LPP: variants seen among roughly 807,000 people sequenced by gnomAD.
LPP encodes LIM domain containing preferred translocation partner in lipoma, also known as lipoma-preferred partner.
Under a neutral mutation model 60.4 loss-of-function variants are expected in LPP, and 38 were observed. That is an observed-to-expected ratio of 0.63 (90% CI 0.49 to 0.83). The LOEUF is 0.83. Ranked by LOEUF, LPP falls within the 40% of genes least tolerant of loss-of-function variation. The pLI is 0.00. For missense variants in LPP, 902 were observed against 783.6 expected (o/e 1.15, Z -1.80); for synonymous variants, 328 against 290.8 (o/e 1.13, Z -1.30).
intron 7 of LPP, among the ~76,000 whole-genome samples, chr3:188,705,068 A>T (rs1865216939): frequency 6.6e-6 from 1 of 152,200 alleles, no homozygotes; most frequent in Non-Finnish European, 1.5e-5. Context: ...CATGTCTAGC[A>T]TATCTTTATC....
intron 7 of LPP, among the ~76,000 whole-genome samples, chr3:188,673,519 G>A (rs528759262): frequency 6.6e-6 from 1 of 152,094 alleles, no homozygotes; most frequent in East Asian, 1.9e-4. Flanking sequence ...ATCATAATTA[G>A]GCTCATGCTT....
At chr3:188,445,767 A>T (rs1222564881) in intron 4 of LPP, among the ~76,000 whole-genome samples, 1 of 152,180 alleles carries the variant, frequency 6.6e-6, no homozygotes, top group Non-Finnish European at 1.5e-5. Context: ...TGCTCTCCTG[A>T]TAGATTATAA....
intron 6 of LPP, among the ~76,000 whole-genome samples, chr3:188,542,895 C>A (rs1274239325): frequency 6.6e-6 from 1 of 152,158 alleles, no homozygotes; most frequent in Admixed American, 6.6e-5. Flanking sequence ...GCCTTCCACT[C>A]TCAATGTCTG....
chr3:188,494,145 G>A (rs1247595168), intron 5 of LPP, among the ~76,000 whole-genome samples: 2 of 152,204 alleles, frequency 1.3e-5, no homozygotes, highest in Non-Finnish European at 2.9e-5. Context: ...ATTAGGGGAT[G>A]CAGGCCAGCA....
At chr3:188,657,542 G>A (rs967206623) in intron 7 of LPP, among the ~76,000 whole-genome samples, 1 of 151,878 alleles carries the variant, frequency 6.6e-6, no homozygotes, top group East Asian at 1.9e-4. Context: ...TTTGCTACTC[G>A]TGAGTTTATC....
chr3:188,234,027 G>A (rs1001340439), intron 2 of LPP, among the ~76,000 whole-genome samples: 2 of 152,004 alleles, frequency 1.3e-5, no homozygotes, highest in Non-Finnish European at 2.9e-5. Flanking sequence ...CCCACAAATA[G>A]CATCCTTCTG....
intron 9 of LPP, among the ~76,000 whole-genome samples, chr3:188,821,765 T>A (rs750847514): frequency 6.6e-6 from 1 of 152,144 alleles, no homozygotes; most frequent in Non-Finnish European, 1.5e-5. Context: ...TTCCCAGATA[T>A]ATTTTCTGAG....
At chr3:188,288,468 T>C (rs4686945) in intron 2 of LPP, among the ~76,000 whole-genome samples, 95,697 of 151,842 alleles carry the variant, frequency 0.63, 31,771 homozygotes, top group African/African-American at 0.84. Context: ...AGTGGCAAAG[T>C]GGAGGTGTAA....
At chr3:188,699,143 A>G (rs1577081712) in intron 7 of LPP, among the ~76,000 whole-genome samples, 1 of 152,242 alleles carries the variant, frequency 6.6e-6, no homozygotes, top group East Asian at 1.9e-4. Flanking sequence ...GAGAAAATCA[A>G]CAATAGAAAA....
At chr3:188,420,442 A>G (rs900996269) in intron 4 of LPP, among the ~76,000 whole-genome samples, 1 of 152,190 alleles carries the variant, frequency 6.6e-6, no homozygotes, top group Non-Finnish European at 1.5e-5. Context: ...AAAGAAATTA[A>G]TTTTCCAAAA....
chr3:188,395,778 G>T (rs1198712208), intron 3 of LPP, among the ~76,000 whole-genome samples: 2 of 152,024 alleles, frequency 1.3e-5, no homozygotes, highest in African/African-American at 4.8e-5. Flanking sequence ...GCCAGACATT[G>T]TGGCACACCT....
Position 188,521,423 on chromosome 3 carries a change from G to A in LPP, c.307-3242G>A, listed in dbSNP as rs191918416. ...TCAGGGTAATTCTGTGACTTGTTGA[G>A]TCTCAGTGGTTAGATATTGCAGTGA... is the stretch of plus-strand genomic sequence containing the variant. On this transcript the variant is annotated intron_variant, in intron 5 of 11. Coordinates refer to ENST00000617246, the MANE Select transcript of LPP (RefSeq NM_001375462.1). 1.1e-3 allele frequency among the ~76,000 whole-genome samples: 162 copies of A among 152,172 alleles called. 1 individual carries two copies. In the Middle Eastern group the frequency reaches 0.017, roughly 16 times the overall value.
chr3:188,517,668 G>C (rs536203541), intron 5 of LPP, among the ~76,000 whole-genome samples: 1 of 152,200 alleles, frequency 6.6e-6, no homozygotes, highest in African/African-American at 2.4e-5. Context: ...CTTACATGGC[G>C]GTGGTAAGAG....
rs577100760 is a variant in LPP at position 188,605,129 on chromosome 3, A to G, written c.430-4032A>G. Among the ~76,000 whole-genome samples, 15 of 152,282 alleles carry G rather than the reference A, an allele frequency of 9.9e-5. No homozygotes were observed. In the South Asian group the frequency reaches 2.9e-3, roughly 29 times the overall value. ...TTGAGCAGGAAAGCAATATGATTAG[A>G]TTTGCATTTGCAATAAATCACTCTG... On this transcript the variant is annotated intron_variant, in intron 6 of 11. Coordinates refer to ENST00000617246, the MANE Select transcript of LPP (RefSeq NM_001375462.1).
intron 7 of LPP, among the ~76,000 whole-genome samples, chr3:188,656,192 C>A (rs539121977): frequency 3.7e-3 from 270 of 72,246 alleles, no homozygotes; most frequent in Non-Finnish European, 6.3e-3. Flanking sequence ...AACTCAGTCT[C>A]CAAAAGGAAA....
chr3:188,498,786 G>A (rs534632629), intron 5 of LPP, among the ~76,000 whole-genome samples: 1 of 152,252 alleles, frequency 6.6e-6, no homozygotes, highest in East Asian at 1.9e-4. Flanking sequence ...CAGCACACGA[G>A]TTCTGATTTC....
At chr3:188,636,239 C>G (rs1266944076) in intron 7 of LPP, among the ~76,000 whole-genome samples, 1 of 152,332 alleles carries the variant, frequency 6.6e-6, no homozygotes, top group East Asian at 1.9e-4. Context: ...CATTGCCTCA[C>G]TCGGGAAGCG....
intron 7 of LPP, among the ~76,000 whole-genome samples, chr3:188,699,946 G>A (rs1370182270): frequency 6.6e-6 from 1 of 152,082 alleles, no homozygotes; most frequent in Non-Finnish European, 1.5e-5. Context: ...ATAGAAGGGG[G>A]GAAAAGAACG....
At chr3:188,644,127 A>C (rs1850687705) in intron 7 of LPP, among the ~76,000 whole-genome samples, 1 of 152,216 alleles carries the variant, frequency 6.6e-6, no homozygotes, top group African/African-American at 2.4e-5. Flanking sequence ...TCTGTGTTCC[A>C]AAGAAATTCC....
Sources: gnomAD v4.1 joint callset for allele counts (sites outside exome capture counted in the v4.1 genomes callset) on GRCh38, gnomAD v4.1.1 for gene constraint, MANE v1.5 for transcripts, NCBI Gene and HGNC (gene_info 2026-07-23, HGNC 2026-07-21) for gene names.